Variants in ANO2 observed in about 807,000 individuals in gnomAD.
ANO2 encodes the protein anoctamin-2.
ANO2 carries 101 observed loss-of-function variants against 124.2 expected under a neutral mutation model. That is an observed-to-expected ratio of 0.81 (90% CI 0.69 to 0.96). The LOEUF (loss-of-function observed/expected upper bound fraction) is 0.96. Among genes scored for constraint, ANO2 ranks in the 40% least tolerant of loss-of-function variants. The pLI is 0.00. For synonymous variants in ANO2, 486 were observed against 482.5 expected (o/e 1.01, Z -0.09); for missense variants, 1,293 against 1,274.5 (o/e 1.01, Z -0.22).
chr12:5,599,822 C>T (rs71581014), intron 19 of ANO2, among the ~76,000 whole-genome samples, 193 bp from the exon 20 acceptor site: 2 of 152,164 alleles, frequency 1.3e-5, no homozygotes, highest in African/African-American at 4.8e-5. Context: ...TTATAAAGAT[C>T]GTGCAGACTC....
chr12:5,879,323 G>A (rs1938327891), intron 3 of ANO2, among the ~76,000 whole-genome samples: 2 of 152,194 alleles, frequency 1.3e-5, no homozygotes, highest in African/African-American at 4.8e-5. Context: ...GTTTCTTGGT[G>A]AACTTCTGAC....
At chr12:5,707,708 T>C (rs1949665109) in intron 14 of ANO2, among the ~76,000 whole-genome samples, 1 of 152,222 alleles carries the variant, frequency 6.6e-6, no homozygotes, top group South Asian at 2.1e-4. Flanking sequence ...AGTTTATCTT[T>C]GAAACATTTC....
chr12:5,707,261 C>T (rs1203590020), intron 14 of ANO2, among the ~76,000 whole-genome samples: 1 of 152,170 alleles, frequency 6.6e-6, no homozygotes, highest in Non-Finnish European at 1.5e-5. Context: ...CACCTTCTGC[C>T]ATGATTGTAA....
intron 14 of ANO2, among the ~76,000 whole-genome samples, chr12:5,667,610 G>A (rs1199845034): frequency 2.0e-5 from 3 of 152,074 alleles, no homozygotes; most frequent in East Asian, 3.9e-4. Context: ...ATAGGTAAAC[G>A]TGTGCCATGG....
chr12:5,793,891 G>T (rs551773105), intron 10 of ANO2, among the ~76,000 whole-genome samples: 8 of 152,170 alleles, frequency 5.3e-5, no homozygotes, highest in African/African-American at 1.9e-4. Context: ...CCTTCCCTCC[G>T]AAAGGGTACA....
intron 14 of ANO2, among the ~76,000 whole-genome samples, chr12:5,726,162 C>T (rs1330763003): frequency 6.6e-6 from 1 of 151,866 alleles, no homozygotes; most frequent in Non-Finnish European, 1.5e-5. Context: ...CCACGCTATT[C>T]TTTTATTAAA....
At chr12:5,883,504 TG>T (rs148514426) in intron 3 of ANO2, among the ~76,000 whole-genome samples, 5 of 25,270 alleles carry the variant, frequency 2.0e-4, no homozygotes, top group African/African-American at 3.8e-4. Flanking sequence ...ATTAGGGTGG[TG>T]TGTGTGTGTG....
intron 4 of ANO2, among the ~76,000 whole-genome samples, chr12:5,836,561 C>T (rs1443903128): frequency 6.6e-6 from 1 of 152,190 alleles, no homozygotes; most frequent in East Asian, 1.9e-4. Context: ...AAGCCTTCAA[C>T]AGTCACCCAC....
At chr12:5,943,859 A>G (rs1245796932) in intron 1 of ANO2, among the ~76,000 whole-genome samples, 1 of 151,796 alleles carries the variant, frequency 6.6e-6, no homozygotes, top group African/African-American at 2.4e-5. Context: ...TTATAGACAC[A>G]CTCCCCAGTA....
At position 5,925,617 on chromosome 12, in the gene ANO2, G is replaced by A. The variant is rs1209894555; in HGVS notation, c.23-2813C>T. 6.6e-6 allele frequency among the ~76,000 whole-genome samples: 1 copy of A among 152,212 alleles called. No homozygotes were observed. Among genetic ancestry groups the A allele is most frequent in the Non-Finnish European group, 1.5e-5 (1 of 68,038 alleles). On this transcript the variant is annotated intron_variant, in intron 1 of 24. Coordinates refer to ENST00000682330, the MANE Select transcript of ANO2 (RefSeq NM_001364791.2). The surrounding 1 kb of genome is among the most constrained non-coding windows in gnomAD (Gnocchi z 4.6). ...AGCACACACCTTGAGAACTCCCTAA[G>A]AAGCTTAGAAGAGGTGAATGAGGTC...
chr12:5,706,675 C>T (rs191678185), intron 14 of ANO2, among the ~76,000 whole-genome samples: 2 of 152,314 alleles, frequency 1.3e-5, no homozygotes, highest in African/African-American at 4.8e-5. Flanking sequence ...CTGTCACTGT[C>T]TGTCCTCCTG....
At chr12:5,600,738 T>C (rs776103062) in intron 19 of ANO2, among the ~76,000 whole-genome samples, 1 of 152,208 alleles carries the variant, frequency 6.6e-6, no homozygotes, top group Non-Finnish European at 1.5e-5. Flanking sequence ...AGCAACCTAA[T>C]AGTTGGGAGA....
intron 10 of ANO2, among the ~76,000 whole-genome samples, chr12:5,789,642 T>G (rs1406132758): frequency 6.6e-6 from 1 of 152,158 alleles, no homozygotes; most frequent in Non-Finnish European, 1.5e-5. Context: ...TAATCCCAAG[T>G]AGGTACTAGA....
At position 5,936,809 on chromosome 12, in the gene ANO2, T is replaced by C. The variant is rs974630609; in HGVS notation, c.22+8387A>G. 7.9e-5 allele frequency among the ~76,000 whole-genome samples: 12 copies of C among 152,358 alleles called. No individual in the cohort carries two copies. In the East Asian group the frequency reaches 2.3e-3, roughly 29 times the overall value. On this transcript the variant is annotated intron_variant, in intron 1 of 24. Transcript: ENST00000682330. ...TTCACTTTGAGTTAATTTTTATGTA[T>C]GAGTGAGGAAAGGGTCCAACTTCAT...
intron 14 of ANO2, among the ~76,000 whole-genome samples, chr12:5,725,289 T>C (rs1271312774): frequency 6.6e-6 from 1 of 152,204 alleles, no homozygotes; most frequent in Non-Finnish European, 1.5e-5. Flanking sequence ...TATTTATTCA[T>C]TATGTCAGGG....
At chr12:5,794,878 ATAAG>A (rs1451332005) in intron 10 of ANO2, among the ~76,000 whole-genome samples, 1 of 152,260 alleles carries the variant, frequency 6.6e-6, no homozygotes, top group Non-Finnish European at 1.5e-5. Context: ...GGCTAAGGAA[ATAAG>A]TAATCACAGA....
At chr12:5,922,201 G>A (rs111954854) in intron 2 of ANO2, among the ~76,000 whole-genome samples, 174 of 152,308 alleles carry the variant, frequency 1.1e-3, no homozygotes, top group Non-Finnish European at 2.3e-3. Context: ...GCCTCTCCCC[G>A]TGGGTGTTTC....
At chr12:5,944,637 T>C (rs371510766) in intron 1 of ANO2, among the ~76,000 whole-genome samples, 1 of 152,216 alleles carries the variant, frequency 6.6e-6, no homozygotes, top group East Asian at 1.9e-4. Context: ...GGTATAGCTG[T>C]GTTTCCCTGC....
intron 10 of ANO2, among the ~76,000 whole-genome samples, chr12:5,779,210 T>C (rs1213250222): frequency 2.6e-5 from 4 of 152,238 alleles, no homozygotes; most frequent in Non-Finnish European, 4.4e-5. Flanking sequence ...AAGAGTACAC[T>C]CAGTAAGACT....
Sources: gnomAD v4.1 joint callset for allele counts (sites outside exome capture counted in the v4.1 genomes callset) on GRCh38, gnomAD v4.1.1 for gene constraint, Gnocchi (gnomAD v3.1) non-coding constraint, MANE v1.5 for transcripts, NCBI Gene and HGNC (gene_info 2026-07-23, HGNC 2026-07-21) for gene names.